Variants in MCTP2 observed in about 807,000 individuals in gnomAD.
MCTP2 encodes the protein multiple C2 and transmembrane domain containing 2.
In MCTP2, 132 loss-of-function variants were observed where a neutral mutation model predicts 111.6. The ratio of observed to expected loss-of-function variants is 1.18; its 90% CI spans 1.03 to 1.37. The LOEUF is 1.37. Ranked by LOEUF, MCTP2 falls within the 40% of genes most tolerant of loss-of-function variation. The pLI, the probability that MCTP2 is intolerant of heterozygous loss-of-function variation, is 0.00. For missense variants in MCTP2, 1,183 were observed against 1,067.9 expected (o/e 1.11, Z -1.50); for synonymous variants, 395 against 387.7 (o/e 1.02, Z -0.22).
chr15:94,364,581 T>A (rs565197353), intron 10 of MCTP2, among the ~76,000 whole-genome samples: 75 of 152,334 alleles, frequency 4.9e-4, no homozygotes, highest in African/African-American at 1.7e-3. Flanking sequence ...TCTTAAAGAC[T>A]TTAAATTTTA....
intron 17 of MCTP2, 24 bp from the exon 18 acceptor site, chr15:94,440,152 T>C (rs769164541): frequency 6.2e-7 from 1 of 1,611,442 alleles, no homozygotes; most frequent in African/African-American, 1.3e-5. Context: ...AGCAGTCGTG[T>C]ATTCTTATTT....
At chr15:94,306,012 C>T (rs962150623) in intron 2 of MCTP2, among the ~76,000 whole-genome samples, 1 of 152,072 alleles carries the variant, frequency 6.6e-6, no homozygotes, top group East Asian at 1.9e-4. Flanking sequence ...TATTCTGGTT[C>T]TTGCCGTAGG....
At chr15:94,446,309 A>G (rs778778202) in intron 19 of MCTP2, among the ~76,000 whole-genome samples, 2 of 152,180 alleles carry the variant, frequency 1.3e-5, no homozygotes, top group Non-Finnish European at 2.9e-5. Context: ...TGCTTGTTAC[A>G]AGTCTAGTTT....
chr15:94,356,641 A>G (rs2078642327), intron 9 of MCTP2, among the ~76,000 whole-genome samples: 1 of 152,228 alleles, frequency 6.6e-6, no homozygotes, highest in Non-Finnish European at 1.5e-5. Context: ...TGCTACAAAA[A>G]TAGAATAGCA....
At chr15:94,245,522 A>T (rs997275861) in intron 1 of MCTP2, among the ~76,000 whole-genome samples, 2 of 141,544 alleles carry the variant, frequency 1.4e-5, no homozygotes, top group African/African-American at 5.2e-5. Context: ...ATATATGTAT[A>T]TATTTATATA....
In MCTP2 at chr15:94,446,852, A is replaced by G. The variant is rs1476821881; in HGVS notation, c.2250+3892A>G. On this transcript the variant is annotated intron_variant, in intron 19 of 22. Transcript: ENST00000357742. Reference sequence around the variant, plus strand: ...TTCAATGAGGTCACAATTGCCTGACAGTGTTTATGAAAAACAATATGACCC... The same window carrying G: ...TTCAATGAGGTCACAATTGCCTGACGGTGTTTATGAAAAACAATATGACCC... 7.9e-5 allele frequency among the ~76,000 whole-genome samples: 12 copies of G among 152,248 alleles called. 1 individual carries two copies. The highest frequency in any genetic ancestry group is 7.9e-4 in the Admixed American group (12 of 15,284).
intron 21 of MCTP2, among the ~76,000 whole-genome samples, chr15:94,471,977 ATGTAAGTT>A (rs2073966533): frequency 1.3e-5 from 2 of 152,188 alleles, no homozygotes; most frequent in African/African-American, 4.8e-5. Flanking sequence ...TTTTAAGTTC[ATGTAAGTT>A]GAGTGCCATG....
intron 20 of MCTP2, among the ~76,000 whole-genome samples, chr15:94,463,996 G>A (rs1015973198): frequency 6.6e-6 from 1 of 151,290 alleles, no homozygotes; most frequent in African/African-American, 2.4e-5. Flanking sequence ...TAGGATTTTT[G>A]CAGTTATGAT....
intron 8 of MCTP2, among the ~76,000 whole-genome samples, chr15:94,354,412 C>T (rs2078495759): frequency 6.6e-6 from 1 of 152,146 alleles, no homozygotes; most frequent in Non-Finnish European, 1.5e-5. Flanking sequence ...CCATGCTGTT[C>T]TCATGATAGA....
intron 7 of MCTP2, chr15:94,344,048 C>A (rs1401504416): frequency 2.0e-5 from 3 of 147,646 alleles, no homozygotes; most frequent in Non-Finnish European, 3.0e-5. Context: ...ATATCTGTCA[C>A]TATTTCAGGA....
At chr15:94,393,485 G>C (rs1390512984) in intron 14 of MCTP2, among the ~76,000 whole-genome samples, 1 of 152,088 alleles carries the variant, frequency 6.6e-6, no homozygotes, top group Non-Finnish European at 1.5e-5. Context: ...ATAAGTTAAA[G>C]ATCAAACACT....
chr15:94,465,145 A>C (rs759836426), intron 20 of MCTP2, among the ~76,000 whole-genome samples: 7 of 152,058 alleles, frequency 4.6e-5, no homozygotes, highest in Non-Finnish European at 1.0e-4. Flanking sequence ...GTAGATGTTA[A>C]AATTATTATA....
At position 94,428,505 on chromosome 15, in the gene MCTP2, T is replaced by G. The variant is rs148719734; in HGVS notation, c.2086-11671T>G. Among the ~76,000 whole-genome samples, 720 of 152,250 alleles carry G rather than the reference T, an allele frequency of 4.7e-3. 2 individuals carry two copies. The highest frequency in any genetic ancestry group is 0.016 in the African/African-American group (685 of 41,542). ...TCTTAATTTATCCTGACAAGGAATT[T>G]TTAGGGGAAGGGGGGCTTCCTATAT... On this transcript the variant is annotated intron_variant, in intron 17 of 22. Coordinates refer to ENST00000357742, the MANE Select transcript of MCTP2 (RefSeq NM_001385001.1).
chr15:94,307,282 T>G (rs114556998), intron 2 of MCTP2, among the ~76,000 whole-genome samples: 5,170 of 151,248 alleles, frequency 0.034, 282 homozygotes, highest in African/African-American at 0.12. Context: ...GGGGGGGAGG[T>G]GTTATCATTT....
chr15:94,335,481 T>C (rs952390900), intron 4 of MCTP2, among the ~76,000 whole-genome samples: 23 of 152,236 alleles, frequency 1.5e-4, no homozygotes, highest in Admixed American at 1.5e-3. Context: ...ACAAGACTTA[T>C]AGTCAATGGC....
chr15:94,351,794 G>T (rs1488656321), intron 8 of MCTP2, among the ~76,000 whole-genome samples: 1 of 152,218 alleles, frequency 6.6e-6, no homozygotes, highest in Non-Finnish European at 1.5e-5. Flanking sequence ...GGCATCGTCA[G>T]TTCTGGAGTG....
At chr15:94,253,664 A>C (rs183639682) in intron 1 of MCTP2, among the ~76,000 whole-genome samples, 1 of 151,606 alleles carries the variant, frequency 6.6e-6, no homozygotes, top group Non-Finnish European at 1.5e-5. Flanking sequence ...TGGGGTGTGT[A>C]TTTTATTCCT....
chr15:94,364,107 A>C (rs2079068122), intron 10 of MCTP2, among the ~76,000 whole-genome samples: 1 of 152,010 alleles, frequency 6.6e-6, no homozygotes, highest in South Asian at 2.1e-4. Context: ...ACTAAATTAC[A>C]AGTATTTCTG....
chr15:94,406,535 C>G (rs1248852056), intron 17 of MCTP2, among the ~76,000 whole-genome samples: 2 of 152,158 alleles, frequency 1.3e-5, no homozygotes, highest in African/African-American at 4.8e-5. Context: ...GGAAAGAAAC[C>G]CTCATTACAT....
Sources: allele counts gnomAD v4.1 joint callset (sites outside exome capture counted in the v4.1 genomes callset), GRCh38; gene constraint gnomAD v4.1.1; transcripts MANE v1.5; gene names NCBI Gene and HGNC (gene_info 2026-07-23, HGNC 2026-07-21).